The following CCDC171 variants were observed in gnomAD, a reference collection of about 807,000 sequenced individuals.
CCDC171 encodes the protein coiled-coil domain-containing protein 171.
In CCDC171, 177 loss-of-function variants were observed where a neutral mutation model predicts 168.2. The ratio of observed to expected loss-of-function variants is 1.05; its 90% CI spans 0.93 to 1.19. The LOEUF (loss-of-function observed/expected upper bound fraction) is 1.19. Ranked by LOEUF, CCDC171 falls within the 50% of genes most tolerant of loss-of-function variation. The probability of loss-of-function intolerance (pLI) is 0.00; values close to 1 mark genes in which losing one functional copy is unlikely to be tolerated. For missense variants in CCDC171, 1,991 were observed against 1,539.0 expected (o/e 1.29, Z -4.91); for synonymous variants, 687 against 540.8 (o/e 1.27, Z -3.75).
At chr9:15,579,109 G>T in intron 4 of CCDC171, 86 bp downstream of exon 4, 1 of 1,014,244 alleles carries the variant, frequency 9.9e-7, no homozygotes, top group Non-Finnish European at 1.4e-6. Context: ...ATCCCATACA[G>T]GGTCAGAGGT....
chr9:15,622,170 A>G (rs1236225736), intron 6 of CCDC171, among the ~76,000 whole-genome samples: 1 of 152,168 alleles, frequency 6.6e-6, no homozygotes, highest in Non-Finnish European at 1.5e-5. Context: ...CAGAAAAAAT[A>G]ACTTTTGGGT....
chr9:15,832,698 C>T (rs890487174), intron 21 of CCDC171, among the ~76,000 whole-genome samples: 1 of 152,166 alleles, frequency 6.6e-6, no homozygotes, highest in African/African-American at 2.4e-5. Flanking sequence ...AATGTGAAGA[C>T]GTAGGACATT....
intron 25 of CCDC171, among the ~76,000 whole-genome samples, chr9:15,930,297 A>C (rs1826357653): frequency 6.6e-6 from 1 of 151,584 alleles, no homozygotes; most frequent in Admixed American, 6.6e-5. Flanking sequence ...CTGTATTAGC[A>C]CTTAATGAAA....
At chr9:15,631,999 T>A (rs2045753068) in intron 7 of CCDC171, among the ~76,000 whole-genome samples, 1 of 152,096 alleles carries the variant, frequency 6.6e-6, no homozygotes, top group Non-Finnish European at 1.5e-5. Context: ...CTCAATAAAT[T>A]AGGTATTGAT....
chr9:16,059,330 C>T (rs1187944363), intron 1 of CCDC171, among the ~76,000 whole-genome samples: 1 of 152,064 alleles, frequency 6.6e-6, no homozygotes, highest in East Asian at 1.9e-4. Flanking sequence ...GGAATTCACA[C>T]GAATATTCTT....
intron 11 of CCDC171, among the ~76,000 whole-genome samples, chr9:15,721,548 T>G (rs1450176122): frequency 6.7e-6 from 1 of 149,540 alleles, no homozygotes; most frequent in Non-Finnish European, 1.5e-5. Context: ...TGGCCGCTTG[T>G]TTAGAAAGAC....
chr9:15,719,187 C>T (rs1269169899), intron 11 of CCDC171, among the ~76,000 whole-genome samples: 1 of 151,606 alleles, frequency 6.6e-6, no homozygotes, highest in Non-Finnish European at 1.5e-5. Flanking sequence ...ATGCAGTTGA[C>T]AATGAAGAAT....
intron 25 of CCDC171, among the ~76,000 whole-genome samples, chr9:15,929,657 T>G (rs1826275647): frequency 6.6e-6 from 1 of 151,814 alleles, no homozygotes; most frequent in Non-Finnish European, 1.5e-5. Flanking sequence ...ACATGACCAT[T>G]TCCCTGGGCT....
chr9:16,097,521 C>T, the CCDC171 span, among the ~76,000 whole-genome samples: 4 of 152,190 alleles, frequency 2.6e-5, no homozygotes, highest in Admixed American at 2.0e-4. Context: ...AGTACTGAAG[C>T]TTGCTTGAAG....
intron 1 of CCDC171, among the ~76,000 whole-genome samples, chr9:15,557,144 C>T (rs544648477): frequency 6.6e-6 from 1 of 152,070 alleles, no homozygotes; most frequent in Non-Finnish European, 1.5e-5. Flanking sequence ...GTGACTGTAG[C>T]CTTGTAGTAT....
rs1283761425 is a variant in CCDC171 at position 15,973,734 on chromosome 9, C to T, written c.*1898C>T. ...TCTGCACATTTCAGAACACCTTTCT[C>T]TGCTGTTCCAAACAATGATTAGGAT... is the stretch of plus-strand genomic sequence containing the variant. On this transcript the variant is annotated 3_prime_UTR_variant, in exon 26 of 26. Transcript: ENST00000380701. 1 of 152,166 alleles carries T rather than the reference C, an allele frequency of 6.6e-6. No homozygotes were observed. 9.4% of individuals were successfully genotyped at this position (152,166 alleles called of 1,614,324 possible).
In CCDC171 at chr9:15,695,250, G is replaced by C. The variant is rs1177969341; in HGVS notation, c.1231G>C (p.Ala411Pro). 1 of 1,613,434 alleles carries C rather than the reference G, an allele frequency of 6.2e-7. No individual in the cohort carries two copies. The highest frequency in any genetic ancestry group is 2.2e-5 in the East Asian group (1 of 44,880). ...TAATTAAAAGGCTAAGAAGCACCAG[G>C]CCTTCCTAGTAGAGACATGTGAAAA... Reference protein sequence around the residue: ...EELVMAKKHQAFLVETCENNV... With the variant: ...EELVMAKKHQPFLVETCENNV... Residue 411 changes from alanine (A) to proline (P), a missense_variant, in exon 11 of 26, where the codon GCC (alanine) becomes CCC (proline). By Grantham distance (27) the Ala-to-Pro change is conservative. Coordinates refer to ENST00000380701, the MANE Select transcript of CCDC171 (RefSeq NM_173550.4).
chr9:15,744,636 G>A lies in CCDC171; in HGVS notation c.2413G>A (p.Val805Ile), dbSNP rs2055139691. 1 of 1,614,066 alleles carries A rather than the reference G, an allele frequency of 6.2e-7. No individual in the cohort carries two copies. The highest frequency in any genetic ancestry group is 1.3e-5 in the African/African-American group (1 of 74,940). ...ATTGATACGTATATTTCGGAAAGGT[G>A]TTATTGCTGTTTTGGCAGCAAACAG... ...KGLIRIFRKGVIAVLAANRLK... is the reference protein window; with the variant it reads ...KGLIRIFRKGIIAVLAANRLK... Residue 805 changes from valine (V) to isoleucine (I), a missense_variant, in exon 17 of 26, where the codon GTT (valine) becomes ATT (isoleucine). Val to Ile is a conservative substitution (Grantham distance 29). Coordinates refer to ENST00000380701, the MANE Select transcript of CCDC171 (RefSeq NM_173550.4).
At chr9:15,653,349 C>T (rs2047676391) in intron 7 of CCDC171, among the ~76,000 whole-genome samples, 1 of 151,880 alleles carries the variant, frequency 6.6e-6, no homozygotes. Context: ...ACCATGTTGC[C>T]CAGGCTGGCC....
intron 7 of CCDC171, among the ~76,000 whole-genome samples, chr9:15,626,225 T>C (rs2045090068): frequency 6.6e-6 from 1 of 152,198 alleles, no homozygotes; most frequent in East Asian, 1.9e-4. Context: ...GCTGAGACGA[T>C]GGGGTTTTCT....
the CCDC171 span, among the ~76,000 whole-genome samples, chr9:16,095,869 C>CACATAT: frequency 1.4e-3 from 177 of 123,842 alleles, 1 homozygote; most frequent in Non-Finnish European, 2.4e-3. Flanking sequence ...CACATAGGCA[C>CACATAT]ATATATATAT....
intron 7 of CCDC171, among the ~76,000 whole-genome samples, chr9:15,634,510 TC>T (rs1443122403): frequency 6.6e-6 from 1 of 152,180 alleles, no homozygotes; most frequent in African/African-American, 2.4e-5. Flanking sequence ...GTGTTCAGCT[TC>T]TGGTTCAGAT....
At chr9:15,748,464 T>TACAGAGAACACC (rs1391762222) in intron 18 of CCDC171, among the ~76,000 whole-genome samples, 1 of 152,074 alleles carries the variant, frequency 6.6e-6, no homozygotes, top group Non-Finnish European at 1.5e-5. Flanking sequence ...TTTCAGGAAG[T>TACAGAGAACACC]ACAGAGAACA....
chr9:15,654,154 A>G (rs1290016275), intron 7 of CCDC171, among the ~76,000 whole-genome samples: 4 of 152,142 alleles, frequency 2.6e-5, no homozygotes. Flanking sequence ...TTGGATTTAA[A>G]TTACCTTGAG....
Sources: gnomAD v4.1 joint callset for allele counts (sites outside exome capture counted in the v4.1 genomes callset) on GRCh38, gnomAD v4.1.1 for gene constraint, MANE v1.5 for transcripts, NCBI Gene and HGNC (gene_info 2026-07-23, HGNC 2026-07-21) for gene names.